The following REDIC1 variants were observed in gnomAD, a reference collection of about 807,000 sequenced individuals.
REDIC1 encodes the protein regulator of DNA class I crossover intermediates 1, also known as HEI10 Interacting Protein 1.
At chr12:39,690,099 A>G in the REDIC1 span, among the ~76,000 whole-genome samples, 67 of 152,288 alleles carry the variant, frequency 4.4e-4, no homozygotes, top group Non-Finnish European at 5.3e-4. Flanking sequence ...AGAGTCACCA[A>G]TGGGATGGAA....
the REDIC1 span, chr12:39,646,720 G>A: frequency 1.6e-6 from 1 of 644,526 alleles, no homozygotes; most frequent in Non-Finnish European, 2.5e-6. Flanking sequence ...TTATGACCCT[G>A]TAGTGATTTA....
the REDIC1 span, among the ~76,000 whole-genome samples, chr12:39,653,875 T>C: frequency 6.6e-6 from 1 of 152,088 alleles, no homozygotes; most frequent in African/African-American, 2.4e-5. Flanking sequence ...CTTTTTATCA[T>C]GAATTTTGTC....
the REDIC1 span, among the ~76,000 whole-genome samples, chr12:39,750,615 G>T: frequency 6.6e-6 from 1 of 152,140 alleles, no homozygotes; most frequent in Non-Finnish European, 1.5e-5. Flanking sequence ...TCGATCCTAA[G>T]CCAAAAGAAC....
the REDIC1 span, among the ~76,000 whole-genome samples, chr12:39,863,952 A>T: frequency 6.0e-3 from 914 of 152,336 alleles, 5 homozygotes; most frequent in African/African-American, 0.021. Context: ...ACTTGCGTCC[A>T]TCTATTTCAA....
At chr12:39,687,689 A>C in the REDIC1 span, among the ~76,000 whole-genome samples, 4 of 152,220 alleles carry the variant, frequency 2.6e-5, no homozygotes, top group Admixed American at 2.6e-4. Context: ...GATCCAAACC[A>C]TATCATCTTT....
At chr12:39,643,994 T>G in the REDIC1 span, 1 of 1,180,178 alleles carries the variant, frequency 8.5e-7, no homozygotes. Context: ...TAGTTTGTAA[T>G]TTTTGAGCTC....
the REDIC1 span, chr12:39,907,602 G>A: frequency 6.6e-6 from 1 of 152,048 alleles, no homozygotes; most frequent in African/African-American, 2.4e-5. Flanking sequence ...ATCTAATTTT[G>A]AGTGTTAAGA....
At chr12:39,665,358 G>A in the REDIC1 span, among the ~76,000 whole-genome samples, 15 of 152,086 alleles carry the variant, frequency 9.9e-5, no homozygotes, top group Admixed American at 6.5e-4. Flanking sequence ...GTTTTTGTCA[G>A]GTTTGTCAAA....
the REDIC1 span, among the ~76,000 whole-genome samples, chr12:39,647,132 G>T: frequency 6.6e-6 from 1 of 151,938 alleles, no homozygotes; most frequent in Non-Finnish European, 1.5e-5. Flanking sequence ...GATTCTGCTT[G>T]TTACTGATGA....
the REDIC1 span, among the ~76,000 whole-genome samples, chr12:39,678,123 G>GA: frequency 1.7e-4 from 24 of 145,026 alleles, no homozygotes; most frequent in Non-Finnish European, 2.8e-4. Context: ...GAAACAAACA[G>GA]AAAAAACAAT....
At chr12:39,712,020 G>GTA in the REDIC1 span, among the ~76,000 whole-genome samples, 2 of 21,082 alleles carry the variant, frequency 9.5e-5, no homozygotes, top group Admixed American at 1.0e-3. Context: ...CTACCTGTAT[G>GTA]TATATATACA....
chr12:39,684,915 T>G, the REDIC1 span: 1 of 1,611,762 alleles, frequency 6.2e-7, no homozygotes, highest in Non-Finnish European at 8.5e-7. Context: ...CATGGGACTT[T>G]GGACTTGATG....
the REDIC1 span, among the ~76,000 whole-genome samples, chr12:39,668,085 A>G: frequency 2.0e-5 from 3 of 151,006 alleles, no homozygotes; most frequent in Non-Finnish European, 2.9e-5. Context: ...TAATATTGTT[A>G]TGTGTGAATT....
the REDIC1 span, among the ~76,000 whole-genome samples, chr12:39,885,465 C>T: frequency 6.6e-6 from 1 of 152,014 alleles, no homozygotes; most frequent in Admixed American, 6.6e-5. Context: ...TTTCCTTGAT[C>T]CCCGCTTCTA....
the REDIC1 span, among the ~76,000 whole-genome samples, chr12:39,706,911 A>G: frequency 6.6e-6 from 1 of 152,082 alleles, no homozygotes; most frequent in Non-Finnish European, 1.5e-5. Flanking sequence ...ACCACAAGAA[A>G]ACACTAAGGA....
At chr12:39,706,464 G>A in the REDIC1 span, among the ~76,000 whole-genome samples, 7 of 151,880 alleles carry the variant, frequency 4.6e-5, no homozygotes, top group Admixed American at 1.3e-4. Context: ...ATTCCAAAAT[G>A]TATATGGAAC....
the REDIC1 span, among the ~76,000 whole-genome samples, chr12:39,816,185 G>A: frequency 3.3e-5 from 5 of 151,986 alleles, no homozygotes; most frequent in East Asian, 3.9e-4. Flanking sequence ...TTGGATCTAC[G>A]CTAGTTATGA....
the REDIC1 span, among the ~76,000 whole-genome samples, chr12:39,671,264 G>A: frequency 3.3e-5 from 5 of 152,194 alleles, no homozygotes; most frequent in Admixed American, 2.6e-4. Flanking sequence ...CTGGATACAT[G>A]CAGTAGTGTA....
the REDIC1 span, among the ~76,000 whole-genome samples, chr12:39,883,894 C>G: frequency 6.6e-6 from 1 of 152,174 alleles, no homozygotes; most frequent in Admixed American, 6.6e-5. Flanking sequence ...CACGTAGAAT[C>G]TCATCTATTA....
Sources: gnomAD v4.1 joint callset for allele counts (sites outside exome capture counted in the v4.1 genomes callset) on GRCh38, gnomAD v4.1.1 for gene constraint, MANE v1.5 for transcripts, NCBI Gene and HGNC (gene_info 2026-07-23, HGNC 2026-07-21) for gene names.